IL20RB: variants seen among roughly 807,000 people sequenced by gnomAD.
IL20RB encodes the protein interleukin 20 receptor subunit beta, also known as interleukin-20 receptor subunit beta.
In IL20RB, 21 loss-of-function variants were observed where a neutral mutation model predicts 33.3. The ratio of observed to expected loss-of-function variants is 0.63; its 90% CI spans 0.45 to 0.91. The LOEUF (loss-of-function observed/expected upper bound fraction) is 0.91, where lower values mean the gene tolerates loss of function less well. Ranked by LOEUF, IL20RB falls within the 40% of genes least tolerant of loss-of-function variation. The pLI, the probability that IL20RB is intolerant of heterozygous loss-of-function variation, is 0.00. For synonymous variants in IL20RB, 147 were observed against 146.8 expected (o/e 1.00, Z -0.01); for missense variants, 345 against 384.8 (o/e 0.90, Z 0.86).
At chr3:136,961,031 T>C (rs1001672464) in intron 1 of IL20RB, among the ~76,000 whole-genome samples, 2 of 152,204 alleles carry the variant, frequency 1.3e-5, no homozygotes, top group African/African-American at 4.8e-5. Flanking sequence ...TTCATGCTAC[T>C]TCCCTTGGAC....
chr3:136,979,058 A>AT (rs1215611776), intron 1 of IL20RB, among the ~76,000 whole-genome samples: 1 of 152,160 alleles, frequency 6.6e-6, no homozygotes, highest in Non-Finnish European at 1.5e-5. Context: ...TGGCTAGAGA[A>AT]TTTTTTTAAA....
chr3:136,987,618 C>T (rs184871), intron 3 of IL20RB, among the ~76,000 whole-genome samples: 2 of 152,200 alleles, frequency 1.3e-5, no homozygotes, highest in Non-Finnish European at 2.9e-5. Flanking sequence ...GTCGATGGGA[C>T]TGGGCGCCGT....
intron 6 of IL20RB, among the ~76,000 whole-genome samples, chr3:137,004,750 T>TTG (rs1942318963): frequency 6.6e-6 from 1 of 152,340 alleles, no homozygotes; most frequent in African/African-American, 2.4e-5. Flanking sequence ...ACGGGTTTTT[T>TTG]TGTGTGTCTC....
At chr3:136,961,602 G>C (rs1941218437) in intron 1 of IL20RB, among the ~76,000 whole-genome samples, 1 of 151,950 alleles carries the variant, frequency 6.6e-6, no homozygotes, top group South Asian at 2.1e-4. Flanking sequence ...AAAAGGATGA[G>C]GGCCTAAGTT....
At chr3:137,008,380 C>A (rs1407803497) in intron 6 of IL20RB, among the ~76,000 whole-genome samples, 1 of 152,200 alleles carries the variant, frequency 6.6e-6, no homozygotes, top group Non-Finnish European at 1.5e-5. Flanking sequence ...TCAGCGACAG[C>A]AGGTTGCTAC....
intron 1 of IL20RB, among the ~76,000 whole-genome samples, chr3:136,973,139 G>A (rs1292002067): frequency 2.0e-5 from 3 of 152,008 alleles, no homozygotes; most frequent in Admixed American, 2.0e-4. Flanking sequence ...TTGGTTTCTA[G>A]TTTTATTCCA....
Position 137,010,448 on chromosome 3 carries a change from T to C in IL20RB, c.*225T>C, listed in dbSNP as rs778974081. The stretch of plus-strand genomic sequence containing the variant: ...TGACCTCTAGACTGGGGGCTGCCAC[T>C]TGCTGGCTGAGCAACCCTGGGAAAA... On this transcript the variant is annotated 3_prime_UTR_variant, in exon 7 of 7. Transcript: ENST00000329582. 4.1e-5 allele frequency: 19 copies of C among 458,378 alleles called. No homozygotes were observed. Among genetic ancestry groups the C allele is most frequent in the Non-Finnish European group, 6.6e-5 (17 of 256,108 alleles). 28.4% of individuals were successfully genotyped at this position (458,378 alleles called of 1,614,324 possible).
At position 137,010,981 on chromosome 3, in the gene IL20RB, A is replaced by C. The variant is rs1933087578; in HGVS notation, c.*758A>C. The C allele has an allele frequency of 6.6e-6, 1 of 152,284 alleles. No homozygotes were observed. The highest frequency in any genetic ancestry group is 2.4e-5 in the African/African-American group (1 of 41,464). The allele number at this position is 152,284 out of a possible 1,614,324, so 9.4% of individuals were successfully genotyped here. A position where few individuals can be genotyped will look rare whatever the true frequency, so the allele number is the denominator to read the frequency against. ...TATGTGTGCAATGCGACGAGAATGC[A>C]GAAGTCAGTAACATGTGCATGTTTG... On this transcript the variant is annotated 3_prime_UTR_variant, in exon 7 of 7. Transcript: ENST00000329582.
chr3:137,002,441 A>T (rs553727845), intron 6 of IL20RB, among the ~76,000 whole-genome samples: 2 of 152,018 alleles, frequency 1.3e-5, no homozygotes, highest in Non-Finnish European at 2.9e-5. Context: ...CATCTGTTGT[A>T]TCCTGACTTT....
chr3:136,984,015 T>G (rs1480358584), intron 3 of IL20RB, among the ~76,000 whole-genome samples: 1 of 152,062 alleles, frequency 6.6e-6, no homozygotes, highest in African/African-American at 2.4e-5. Context: ...TTTTTTGTAT[T>G]TTTGGTAGAG....
Position 137,004,924 on chromosome 3 carries a change from G to A in IL20RB, c.826-5189G>A, listed in dbSNP as rs529988520. Among the ~76,000 whole-genome samples the A allele has an allele frequency of 1.1e-4, 17 of 152,146 alleles. 1 individual carries two copies. Among genetic ancestry groups the A allele is most frequent in the African/African-American group, 3.6e-4 (15 of 41,536 alleles). On this transcript the variant is annotated intron_variant, in intron 6 of 6. Coordinates refer to ENST00000329582, the MANE Select transcript of IL20RB (RefSeq NM_144717.4). Reference sequence around the variant, plus strand: ...CATTTAGTGCTATAAATTTCCCTCTGCACACTGCTTTAAATGTGTCCCGGA... The same window carrying A: ...CATTTAGTGCTATAAATTTCCCTCTACACACTGCTTTAAATGTGTCCCGGA...
chr3:136,995,474 T>C lies in IL20RB; in HGVS notation c.743T>C (p.Val248Ala), dbSNP rs762914369. Residue 248 changes from valine (V) to alanine (A), a missense_variant, in exon 6 of 7, where the codon GTG (valine) becomes GCG (alanine). Coordinates refer to ENST00000329582, the MANE Select transcript of IL20RB (RefSeq NM_144717.4). ...FAFVGFMLIL[V>A]VVPLFVWKMG... ...TTTGTTGGCTTCATGCTGATCCTTGTGGTCGTGCCACTGTTCGTCTGGAAA... is the reference window on the plus strand; with the variant it reads ...TTTGTTGGCTTCATGCTGATCCTTGCGGTCGTGCCACTGTTCGTCTGGAAA... 1 of 1,614,176 alleles carries C rather than the reference T, an allele frequency of 6.2e-7. No individual in the cohort carries two copies. The highest frequency in any genetic ancestry group is 1.3e-5 in the African/African-American group (1 of 75,040).
chr3:136,988,545 G>T (rs529589223), intron 3 of IL20RB, among the ~76,000 whole-genome samples: 6 of 152,238 alleles, frequency 3.9e-5, no homozygotes, highest in Admixed American at 6.5e-5. Context: ...TTAGAGACCA[G>T]CCTGGGCAAT....
At chr3:136,994,773 G>A (rs566442381) in intron 5 of IL20RB, among the ~76,000 whole-genome samples, 1 of 152,276 alleles carries the variant, frequency 6.6e-6, no homozygotes, top group South Asian at 2.1e-4. Flanking sequence ...GTAACCTGGG[G>A]TAGCTCACTT....
intron 1 of IL20RB, among the ~76,000 whole-genome samples, chr3:136,962,264 G>A (rs1257553635): frequency 2.6e-5 from 4 of 152,160 alleles, no homozygotes. Flanking sequence ...GGGGAAAATG[G>A]TAGCTTTACA....
rs759497042 is a variant in IL20RB, at chr3:136,980,477, A to C, written c.100A>C (p.Ile34Leu). The C allele has an allele frequency of 1.2e-6, 2 of 1,614,204 alleles. No homozygotes were observed. Among genetic ancestry groups the C allele is most frequent in the Non-Finnish European group, 1.7e-6 (2 of 1,180,040 alleles). The stretch of plus-strand genomic sequence containing the variant: ...TGCCTTGATCCTAGATGAAGTGGCC[A>C]TTCTGCCTGCCCCTCAGAACCTCTC... Reference protein sequence around the residue: ...IPCLLTDEVAILPAPQNLSVL... With the variant: ...IPCLLTDEVALLPAPQNLSVL... The change falls in exon 2 of 7, where the codon ATT becomes CTT. Residue 34 changes from isoleucine to leucine, a missense_variant. Ile to Leu is a conservative substitution (Grantham distance 5). Coordinates refer to ENST00000329582, the MANE Select transcript of IL20RB (RefSeq NM_144717.4).
At chr3:136,992,140 T>A (rs534988151) in intron 5 of IL20RB, 52 bp downstream of exon 5, 1 of 1,588,544 alleles carries the variant, frequency 6.3e-7, no homozygotes, top group East Asian at 2.2e-5. Flanking sequence ...TAGCCCCTCC[T>A]GGCATATCTC....
chr3:136,979,706 G>A (rs1326972427), intron 1 of IL20RB, among the ~76,000 whole-genome samples: 2 of 152,226 alleles, frequency 1.3e-5, no homozygotes, highest in East Asian at 1.9e-4. Context: ...GGGGCCTGCA[G>A]TCTTTCCGGG....
chr3:136,987,886 G>A (rs1941947617), intron 3 of IL20RB, among the ~76,000 whole-genome samples: 1 of 152,182 alleles, frequency 6.6e-6, no homozygotes, highest in Admixed American at 6.5e-5. Context: ...TCCGAGTGCG[G>A]GGCCCACCAA....
Sources: gnomAD v4.1 joint callset for allele counts (sites outside exome capture counted in the v4.1 genomes callset) on GRCh38, gnomAD v4.1.1 for gene constraint, MANE v1.5 for transcripts, NCBI Gene and HGNC (gene_info 2026-07-23, HGNC 2026-07-21) for gene names.